The following TBXAS1 variants were observed in gnomAD, a reference collection of about 807,000 sequenced individuals.
TBXAS1 encodes thromboxane-A synthase.
A neutral mutation model predicts 60.7 loss-of-function variants in TBXAS1; 48 were observed. The observed-to-expected ratio is 0.79, with a 90% CI of 0.63 to 1.01. The LOEUF (loss-of-function observed/expected upper bound fraction) is 1.01, where lower values mean the gene tolerates loss of function less well. TBXAS1 is among the 50% of genes least tolerant of loss of function. The pLI, the probability that TBXAS1 is intolerant of heterozygous loss-of-function variation, is 0.00. For synonymous variants in TBXAS1, 287 were observed against 269.7 expected (o/e 1.06, Z -0.63); for missense variants, 685 against 686.3 (o/e 1.00, Z 0.02).
intron 3 of TBXAS1, among the ~76,000 whole-genome samples, chr7:139,786,507 CTTAAT>C (rs934796187): frequency 4.6e-5 from 7 of 152,058 alleles, no homozygotes; most frequent in African/African-American, 1.7e-4. Flanking sequence ...AACTTCAAGG[CTTAAT>C]TTTATTTTTT....
intron 12 of TBXAS1, among the ~76,000 whole-genome samples, chr7:140,018,177 C>T (rs1159561992): frequency 6.6e-6 from 1 of 152,178 alleles, no homozygotes; most frequent in South Asian, 2.1e-4. Context: ...CCCACTTCCA[C>T]AAAGGGCACA....
intron 6 of TBXAS1, among the ~76,000 whole-genome samples, chr7:139,954,175 A>C (rs1249939221): frequency 6.6e-6 from 1 of 152,244 alleles, no homozygotes; most frequent in Non-Finnish European, 1.5e-5. Flanking sequence ...GATAAAGAAT[A>C]AAGTGGGATG....
At chr7:139,870,110 G>A (rs964131322) in intron 1 of TBXAS1, among the ~76,000 whole-genome samples, 3 of 152,222 alleles carry the variant, frequency 2.0e-5, no homozygotes, top group African/African-American at 7.2e-5. Context: ...GATTTGAGTC[G>A]AGGCTGCAAA....
chr7:139,824,832 T>TTC (rs796463817), upstream of TBXAS1, among the ~76,000 whole-genome samples: 16 of 137,520 alleles, frequency 1.2e-4, 2 homozygotes, highest in African/African-American at 2.0e-4. Context: ...TCCTTTTCTT[T>TTC]TTTTTTTTTT....
At chr7:139,851,803 C>T (rs1444743653) in intron 1 of TBXAS1, among the ~76,000 whole-genome samples, 2 of 152,232 alleles carry the variant, frequency 1.3e-5, no homozygotes, top group African/African-American at 2.4e-5. Flanking sequence ...ATGTGGTAGA[C>T]AGCCTCCAAG....
At chr7:139,913,139 C>G in intron 4 of TBXAS1, 1 of 702,854 alleles carries the variant, frequency 1.4e-6, no homozygotes, top group Non-Finnish European at 2.6e-6. Flanking sequence ...GGCGGCTGGC[C>G]TGCTACCTCC....
rs1345282574 is a variant in TBXAS1, at chr7:139,852,370, G to T, written c.90-19865G>T. Among the ~76,000 whole-genome samples the T allele has an allele frequency of 6.6e-6, 1 of 152,230 alleles. No homozygotes were observed. The highest frequency in any genetic ancestry group is 2.4e-5 in the African/African-American group (1 of 41,462). On this transcript the variant is annotated intron_variant, in intron 1 of 12. Coordinates refer to ENST00000448866, the MANE Select transcript of TBXAS1 (RefSeq NM_001061.7). This position sits in a 1 kb window ranked among gnomAD's most constrained non-coding sequence, Gnocchi z 4.4. Reference sequence around the variant, plus strand: ...AGTGGTCTGTTCGGAAGGTCAGGCAGGTTCTGTGGGTCTCCACCTGTGGCT... The same window carrying T: ...AGTGGTCTGTTCGGAAGGTCAGGCATGTTCTGTGGGTCTCCACCTGTGGCT...
At chr7:139,816,941 G>A (rs372435996) in intron 4 of TBXAS1, among the ~76,000 whole-genome samples, 14 of 152,276 alleles carry the variant, frequency 9.2e-5, no homozygotes, top group African/African-American at 3.1e-4. Context: ...GCGTAGACAA[G>A]AGAATTTTCC....
intron 9 of TBXAS1, among the ~76,000 whole-genome samples, chr7:139,981,178 G>A (rs1012603640): frequency 1.3e-5 from 2 of 152,108 alleles, no homozygotes; most frequent in African/African-American, 4.8e-5. Flanking sequence ...CGCGATCTCG[G>A]CTCACTGCAA....
intron 4 of TBXAS1, among the ~76,000 whole-genome samples, chr7:139,924,219 C>T (rs559067997): frequency 3.3e-5 from 5 of 151,976 alleles, no homozygotes; most frequent in South Asian, 2.1e-4. Flanking sequence ...TTTTTTGAGG[C>T]GCCTCCAAAC....
At chr7:139,891,341 C>G (rs1466341316) in intron 3 of TBXAS1, among the ~76,000 whole-genome samples, 1 of 151,992 alleles carries the variant, frequency 6.6e-6, no homozygotes. Flanking sequence ...CAGTGTGGAT[C>G]ATGTCCCTCC....
chr7:140,016,142 C>A (rs112720756), intron 11 of TBXAS1, among the ~76,000 whole-genome samples: 5,694 of 152,088 alleles, frequency 0.037, 122 homozygotes, highest in Middle Eastern at 0.051. Context: ...TCCTGGCTAA[C>A]ACGGTGAAAC....
intron 3 of TBXAS1, among the ~76,000 whole-genome samples, chr7:139,884,566 T>C (rs1802936119): frequency 6.6e-6 from 1 of 152,158 alleles, no homozygotes; most frequent in Admixed American, 6.5e-5. Context: ...AGAGAGCAGC[T>C]TCCTGCTAAA....
intron 3 of TBXAS1, among the ~76,000 whole-genome samples, chr7:139,878,116 AGAGAGAGAGAGAGAAG>A (rs1193891838): frequency 1.3e-5 from 2 of 151,288 alleles, no homozygotes; most frequent in African/African-American, 4.9e-5. Flanking sequence ...TGTGAGAGAG[AGAGAGAGAGAGAGAAG>A]GAGAGAGAGA....
At chr7:139,909,518 C>T (rs1978180) in intron 3 of TBXAS1, among the ~76,000 whole-genome samples, 22,829 of 152,098 alleles carry the variant, frequency 0.15, 1,809 homozygotes, top group Admixed American at 0.2. Flanking sequence ...TCTTTTCTTT[C>T]TTTGTACCAC....
intron 1 of TBXAS1, among the ~76,000 whole-genome samples, chr7:139,849,696 G>A (rs1324525473): frequency 6.6e-6 from 1 of 152,196 alleles, no homozygotes; most frequent in Non-Finnish European, 1.5e-5. Flanking sequence ...GATGGGATGG[G>A]GCGGGGCCCT....
intron 4 of TBXAS1, among the ~76,000 whole-genome samples, chr7:139,920,215 A>G (rs1247518786): frequency 8.5e-5 from 13 of 152,216 alleles, no homozygotes; most frequent in Non-Finnish European, 1.0e-4. Flanking sequence ...CAGAGCAAGT[A>G]AAGACAACGA....
At position 139,852,446 on chromosome 7, in the gene TBXAS1, C is replaced by A. The variant is rs1800285436; in HGVS notation, c.90-19789C>A. 6.6e-6 allele frequency among the ~76,000 whole-genome samples: 1 copy of A among 152,190 alleles called. No homozygotes were observed. ...AGCCAGAAGCAAACACACTGAGGAA[C>A]AACGGGCACTGAGATTCAGGGCTCT... On this transcript the variant is annotated intron_variant, in intron 1 of 12. Coordinates refer to ENST00000448866, the MANE Select transcript of TBXAS1 (RefSeq NM_001061.7). The surrounding 1 kb of genome is among the most constrained non-coding windows in gnomAD (Gnocchi z 4.4).
chr7:139,843,437 G>A (rs113600767), intron 1 of TBXAS1, among the ~76,000 whole-genome samples: 120 of 152,172 alleles, frequency 7.9e-4, no homozygotes, highest in Middle Eastern at 6.8e-3. Flanking sequence ...CCGCCTCCCG[G>A]GTTCAAGTGA....
Sources: gnomAD v4.1 joint callset for allele counts (sites outside exome capture counted in the v4.1 genomes callset) on GRCh38, gnomAD v4.1.1 for gene constraint, Gnocchi (gnomAD v3.1) non-coding constraint, MANE v1.5 for transcripts, NCBI Gene and HGNC (gene_info 2026-07-23, HGNC 2026-07-21) for gene names.